Variants in TTLL13 observed in about 807,000 individuals in gnomAD.
TTLL13 encodes tubulin polyglutamylase TTLL13.
At chr15:90,256,610 C>CTCT in the TTLL13 span, among the ~76,000 whole-genome samples, 3 of 40,418 alleles carry the variant, frequency 7.4e-5, no homozygotes, top group African/African-American at 1.6e-4. Context: ...TCTTTCTTTC[C>CTCT]TTCCTTCCTT....
At chr15:90,258,203 T>G in the TTLL13 span, 18 of 1,614,274 alleles carry the variant, frequency 1.1e-5, no homozygotes, top group Non-Finnish European at 1.4e-5. Flanking sequence ...GAGGTACATG[T>G]GCCTGTTTTG....
the TTLL13 span, chr15:90,258,166 G>A: frequency 5.0e-6 from 8 of 1,614,084 alleles, no homozygotes; most frequent in East Asian, 4.5e-5. Context: ...CACAACTACC[G>A]AACCTGTTTT....
the TTLL13 span, chr15:90,261,925 TC>T: frequency 8.2e-7 from 1 of 1,213,156 alleles, no homozygotes; most frequent in Non-Finnish European, 1.1e-6. Context: ...CAGGAGGGTC[TC>T]CAAACCTTAG....
chr15:90,250,542 G>T, the TTLL13 span: 17 of 1,479,346 alleles, frequency 1.1e-5, no homozygotes, highest in Admixed American at 3.8e-4. Context: ...CGTTCTGGTG[G>T]ATTCCTTCAG....
chr15:90,261,478 G>C, the TTLL13 span, among the ~76,000 whole-genome samples: 1 of 151,254 alleles, frequency 6.6e-6, no homozygotes, highest in Non-Finnish European at 1.5e-5. Context: ...GCTAGCTTAC[G>C]AGTAGACCCC....
At chr15:90,258,878 C>T in the TTLL13 span, 20 of 1,613,996 alleles carry the variant, frequency 1.2e-5, no homozygotes, top group Non-Finnish European at 1.5e-5. Flanking sequence ...GGATAAGCGG[C>T]GAGTCAAGGA....
At chr15:90,264,099 A>C in the TTLL13 span, 1 of 1,267,222 alleles carries the variant, frequency 7.9e-7, no homozygotes, top group Non-Finnish European at 1.1e-6. Context: ...TGACATATGT[A>C]AATCCCACTA....
At chr15:90,254,022 A>T in the TTLL13 span, among the ~76,000 whole-genome samples, 2 of 152,164 alleles carry the variant, frequency 1.3e-5, no homozygotes, top group African/African-American at 4.8e-5. Context: ...AAGAAGCTCC[A>T]GAGGAGGTTG....
chr15:90,256,005 A>C, the TTLL13 span: 1 of 1,565,030 alleles, frequency 6.4e-7, no homozygotes, highest in Non-Finnish European at 8.7e-7. Context: ...AGAAAGTTTC[A>C]GCTGGTCAAA....
the TTLL13 span, chr15:90,262,520 C>A: frequency 6.6e-7 from 1 of 1,517,632 alleles, no homozygotes. Flanking sequence ...CCGCCTTAAG[C>A]AGGAACAGCA....
chr15:90,263,616 C>T, the TTLL13 span: 7 of 589,976 alleles, frequency 1.2e-5, no homozygotes, highest in Admixed American at 8.9e-5. Flanking sequence ...TGTTGAACCC[C>T]AAAGGAGTAT....
At chr15:90,256,043 C>T in the TTLL13 span, 1 of 1,553,730 alleles carries the variant, frequency 6.4e-7, no homozygotes, top group Non-Finnish European at 8.8e-7. Flanking sequence ...CTGAGTGCTC[C>T]AGGAAGAGCA....
the TTLL13 span, among the ~76,000 whole-genome samples, chr15:90,256,606 TTTCC>T: frequency 0.046 from 1,380 of 30,244 alleles, 29 homozygotes; most frequent in South Asian, 0.065. Context: ...TCTTTCTTTC[TTTCC>T]TTCCTTCCTT....
chr15:90,256,551 TTC>T, the TTLL13 span, among the ~76,000 whole-genome samples: 79 of 25,206 alleles, frequency 3.1e-3, 4 homozygotes, highest in African/African-American at 0.013. Flanking sequence ...TCCTTTTTCT[TTC>T]TTTCTTTCTT....
the TTLL13 span, chr15:90,255,762 A>G: frequency 1.5e-5 from 24 of 1,613,988 alleles, no homozygotes; most frequent in African/African-American, 1.1e-4. Flanking sequence ...CAGAAAATCA[A>G]CCACTTCCCT....
At chr15:90,261,325 C>G in the TTLL13 span, among the ~76,000 whole-genome samples, 1 of 151,078 alleles carries the variant, frequency 6.6e-6, no homozygotes. Flanking sequence ...GTGATCCACC[C>G]GCCTTGGCCT....
chr15:90,263,026 G>T, the TTLL13 span: 6 of 1,536,144 alleles, frequency 3.9e-6, no homozygotes, highest in Admixed American at 7.8e-5. Flanking sequence ...GGAGGAGCTG[G>T]AGCGGATGAA....
chr15:90,261,786 G>C, the TTLL13 span, among the ~76,000 whole-genome samples: 1 of 152,166 alleles, frequency 6.6e-6, no homozygotes, highest in Non-Finnish European at 1.5e-5. Flanking sequence ...TCTCAAAAAA[G>C]AAAAGAAAAG....
chr15:90,261,981 G>T, the TTLL13 span: 1 of 1,516,298 alleles, frequency 6.6e-7, no homozygotes, highest in South Asian at 1.2e-5. Flanking sequence ...CCCTACTCTT[G>T]ACTCACTGAG....
Sources: gnomAD v4.1 joint callset for allele counts (sites outside exome capture counted in the v4.1 genomes callset) on GRCh38, gnomAD v4.1.1 for gene constraint, MANE v1.5 for transcripts, NCBI Gene and HGNC (gene_info 2026-07-23, HGNC 2026-07-21) for gene names.